Variants in SCN10A observed in about 807,000 individuals in gnomAD.
SCN10A encodes the protein sodium channel protein type 10 subunit alpha.
A neutral mutation model predicts 170.7 loss-of-function variants in SCN10A; 162 were observed. The observed-to-expected ratio is 0.95, with a 90% CI of 0.84 to 1.08. The LOEUF is 1.08. Among genes scored for constraint, SCN10A ranks in the 50% least tolerant of loss-of-function variants. The probability of loss-of-function intolerance (pLI) is 0.00; values close to 1 mark genes in which losing one functional copy is unlikely to be tolerated. For synonymous variants in SCN10A, 985 were observed against 904.6 expected (o/e 1.09, Z -1.59); for missense variants, 2,527 against 2,436.9 (o/e 1.04, Z -0.78).
intron 27 of SCN10A, among the ~76,000 whole-genome samples, chr3:38,701,192 C>G (rs2063152688): frequency 1.3e-5 from 2 of 152,202 alleles, no homozygotes; most frequent in Admixed American, 6.5e-5. Context: ...GCCTCTAACT[C>G]TAGTAATTTT....
At chr3:38,734,331 T>TA (rs1440081993) in intron 15 of SCN10A, among the ~76,000 whole-genome samples, 1 of 151,946 alleles carries the variant, frequency 6.6e-6, no homozygotes, top group African/African-American at 2.4e-5. Flanking sequence ...CCCCTTGGCT[T>TA]TAAAAAAAAA....
intron 4 of SCN10A, among the ~76,000 whole-genome samples, chr3:38,788,723 C>T (rs112448598): frequency 1.6e-4 from 25 of 152,246 alleles, no homozygotes; most frequent in African/African-American, 4.6e-4. Flanking sequence ...TTGCAATATG[C>T]AGCCAAAGTT....
chr3:38,699,530 C>A (rs1575919470), intron 27 of SCN10A, among the ~76,000 whole-genome samples: 1 of 152,166 alleles, frequency 6.6e-6, no homozygotes, highest in Non-Finnish European at 1.5e-5. Flanking sequence ...TGGGCCCTCT[C>A]CCCTACTTGC....
rs144011676 is a variant in SCN10A at position 38,750,262 on chromosome 3, A to T, written c.1756-78T>A. 1.9e-3 allele frequency: 1,413 copies of T among 745,344 alleles called. 5 individuals are homozygous for T. Among genetic ancestry groups the T allele is most frequent in the Non-Finnish European group, 2.4e-3 (1,026 of 422,176 alleles). The allele number at this position is 745,344 out of a possible 1,614,324, so 46.2% of individuals were successfully genotyped here. ...GCAAAGTTGGATCATTCAGCCTCTT[A>T]TTGGCCAATCTCATATATAGTCATA... On this transcript the variant is annotated intron_variant, in intron 12 of 27. Coordinates refer to ENST00000449082, the MANE Select transcript of SCN10A (RefSeq NM_006514.4).
chr3:38,735,095 G>A (rs537817433), intron 15 of SCN10A, among the ~76,000 whole-genome samples: 31 of 151,154 alleles, frequency 2.1e-4, no homozygotes, highest in African/African-American at 6.1e-4. Flanking sequence ...GCGTGAACCC[G>A]GGAGGTGGAG....
intron 1 of SCN10A, among the ~76,000 whole-genome samples, chr3:38,796,940 C>T (rs2064344599): frequency 6.6e-6 from 1 of 151,958 alleles, no homozygotes; most frequent in African/African-American, 2.4e-5. Flanking sequence ...CTGGAACTAA[C>T]TAGATACAGA....
At position 38,712,312 on chromosome 3, in the gene SCN10A, T is replaced by C. The variant is rs2063283646; in HGVS notation, c.3938A>G (p.Tyr1313Cys). 6.2e-7 allele frequency: 1 copy of C among 1,614,240 alleles called. No individual in the cohort carries two copies. Among genetic ancestry groups the C allele is most frequent in the Non-Finnish European group, 8.5e-7 (1 of 1,180,042 alleles). Residue 1313 changes from tyrosine (Y) to cysteine (C), a missense_variant, in exon 23 of 28, where the codon TAT (tyrosine) becomes TGT (cysteine). Physicochemically the swap from Tyr to Cys is radical, Grantham distance 194. Coordinates refer to ENST00000449082, the MANE Select transcript of SCN10A (RefSeq NM_006514.4). ...FAGKFWRCIN[Y>C]TDGEFSLVPL... ...TACAAGGGAAAACTCTCCATCGGTATAGTTGATGCACCTCCAAAACTTCCC... is the reference window on the plus strand; with the variant it reads ...TACAAGGGAAAACTCTCCATCGGTACAGTTGATGCACCTCCAAAACTTCCC...
In SCN10A at chr3:38,697,077, G is replaced by C. The variant is rs570662964; in HGVS notation, c.*272C>G. 1 of 480,076 alleles carries C rather than the reference G, an allele frequency of 2.1e-6. No homozygotes were observed. Among genetic ancestry groups the C allele is most frequent in the African/African-American group, 1.9e-5 (1 of 51,958 alleles). 29.7% of individuals were successfully genotyped at this position (480,076 alleles called of 1,614,324 possible). Reference sequence around the variant, plus strand: ...ATTACAACAAAAATAAAAGGACAAGGGATATTTTCTGGAGAGTAAGAGAAC... The same window carrying C: ...ATTACAACAAAAATAAAAGGACAAGCGATATTTTCTGGAGAGTAAGAGAAC... On this transcript the variant is annotated 3_prime_UTR_variant, in exon 28 of 28. Transcript: ENST00000449082.
chr3:38,729,547 G>T (rs895637457), intron 15 of SCN10A, among the ~76,000 whole-genome samples: 1 of 152,170 alleles, frequency 6.6e-6, no homozygotes, highest in African/African-American at 2.4e-5. Flanking sequence ...ATGAAGAGAG[G>T]TGTGTGGGCT....
intron 27 of SCN10A, among the ~76,000 whole-genome samples, chr3:38,700,461 TA>T (rs1208480254): frequency 2.3e-4 from 35 of 152,244 alleles, no homozygotes; most frequent in Admixed American, 2.1e-3. Context: ...AATAAATAAA[TA>T]AATAGGCAGG....
chr3:38,779,362 A>G (rs1193549907), intron 4 of SCN10A, among the ~76,000 whole-genome samples: 2 of 152,102 alleles, frequency 1.3e-5, no homozygotes, highest in African/African-American at 2.4e-5. Flanking sequence ...CATTCTAACA[A>G]TTATGAATCT....
chr3:38,697,221 G>A lies in SCN10A; in HGVS notation c.*128C>T. ...GGTTACCAGTTGCATTCCCTGCCCA[G>A]TTCTGACATTGTGACCAGTGGCATG... On this transcript the variant is annotated 3_prime_UTR_variant, in exon 28 of 28. Coordinates refer to ENST00000449082, the MANE Select transcript of SCN10A (RefSeq NM_006514.4). 1.4e-6 allele frequency: 2 copies of A among 1,456,976 alleles called. No homozygotes were observed. Among genetic ancestry groups the A allele is most frequent in the Non-Finnish European group, 1.8e-6 (2 of 1,091,022 alleles). 90.3% of individuals were successfully genotyped at this position (1,456,976 alleles called of 1,614,324 possible). A position where few individuals can be genotyped will look rare whatever the true frequency, so the allele number is the denominator to read the frequency against.
chr3:38,814,342 G>T (rs779276364), intron 1 of SCN10A, among the ~76,000 whole-genome samples: 3 of 152,138 alleles, frequency 2.0e-5, no homozygotes, highest in Non-Finnish European at 2.9e-5. Context: ...TGTATCTGGG[G>T]ACCATAGGGC....
chr3:38,723,985 C>A (rs73060459), intron 18 of SCN10A, among the ~76,000 whole-genome samples: 4,005 of 152,238 alleles, frequency 0.026, 80 homozygotes, highest in Non-Finnish European at 0.041. Flanking sequence ...GCTGTCAGGC[C>A]CCTCCTGCCT....
intron 27 of SCN10A, among the ~76,000 whole-genome samples, chr3:38,700,355 G>C (rs1329440393): frequency 6.6e-6 from 1 of 152,276 alleles, no homozygotes; most frequent in East Asian, 1.9e-4. Context: ...ATAAATCCTA[G>C]AGCTCTACTT....
chr3:38,746,073 A>ATGTG (rs1553619569), intron 13 of SCN10A, among the ~76,000 whole-genome samples: 2 of 94,864 alleles, frequency 2.1e-5, no homozygotes, highest in Non-Finnish European at 2.3e-5. Context: ...GTATATATAT[A>ATGTG]TATATATATA....
In SCN10A at chr3:38,756,665, CT is replaced by C. The variant is rs1167093595; in HGVS notation, c.1290+8del. On this transcript the variant is annotated splice_region_variant and intron_variant, in intron 10 of 27. Transcript: ENST00000449082. ...AACCTTCTTCACAAAGCTTCCACTC[CT>C]CACAAACCTCCTGCTCCTTCCGGAG... is the stretch of plus-strand genomic sequence containing the variant. 6.2e-6 allele frequency: 10 copies of C among 1,611,268 alleles called. No individual in the cohort carries two copies. The highest frequency in any genetic ancestry group is 8.5e-6 in the Non-Finnish European group (10 of 1,178,654).
chr3:38,703,116 A>T (rs2063174582), intron 26 of SCN10A, among the ~76,000 whole-genome samples: 1 of 151,884 alleles, frequency 6.6e-6, no homozygotes, highest in African/African-American at 2.4e-5. Context: ...CTTCCACACC[A>T]CTGCTCTTCC....
At chr3:38,726,570 C>T in intron 17 of SCN10A, 36 bp downstream of exon 17, 2 of 1,512,094 alleles carry the variant, frequency 1.3e-6, no homozygotes, top group Non-Finnish European at 1.8e-6. Flanking sequence ...AGCCCCTCCC[C>T]ACTGCCTGTG....
Sources: gnomAD v4.1 joint callset for allele counts (sites outside exome capture counted in the v4.1 genomes callset) on GRCh38, gnomAD v4.1.1 for gene constraint, MANE v1.5 for transcripts, NCBI Gene and HGNC (gene_info 2026-07-23, HGNC 2026-07-21) for gene names.